The following KCTD5 variants were observed in gnomAD, a reference collection of about 807,000 sequenced individuals.
KCTD5 encodes the protein BTB/POZ domain-containing protein KCTD5.
Under a neutral mutation model 27.9 loss-of-function variants are expected in KCTD5, and 12 were observed. The ratio of observed to expected loss-of-function variants is 0.43; its 90% confidence interval spans 0.28 to 0.70. KCTD5 has a LOEUF of 0.70. Among genes scored for constraint, KCTD5 ranks in the 30% least tolerant of loss-of-function variants. The probability of loss-of-function intolerance (pLI) is 0.19; values close to 1 mark genes in which losing one functional copy is unlikely to be tolerated. For missense variants in KCTD5, 226 were observed against 274.8 expected, an observed-to-expected ratio of 0.82 and a Z score of 1.26; for synonymous variants, 147 against 121.4, an observed-to-expected ratio of 1.21 and a Z score of -1.39.
rs913327498 is a variant in KCTD5 at position 2,708,824 on chromosome 16, C to T, written c.*1497C>T. 2.0e-5 allele frequency: 3 copies of T among 152,140 alleles called. No homozygotes were observed. Among genetic ancestry groups the T allele is most frequent in the East Asian group, 1.9e-4 (1 of 5,190 alleles). 9.4% of individuals were successfully genotyped at this position (152,140 alleles called of 1,614,324 possible). Reference sequence around the variant, plus strand: ...GCATCCTCTCTGGGGAGCTGCTGGCCGCTTAGCGTTGTTTGATTTTTGACC... The same window carrying T: ...GCATCCTCTCTGGGGAGCTGCTGGCTGCTTAGCGTTGTTTGATTTTTGACC... On this transcript the variant is annotated 3_prime_UTR_variant, in exon 6 of 6. Coordinates refer to ENST00000301738, the MANE Select transcript of KCTD5 (RefSeq NM_018992.4).
chr16:2,700,319 A>G (rs995410332), intron 4 of KCTD5, among the ~76,000 whole-genome samples: 2 of 152,192 alleles, frequency 1.3e-5, no homozygotes, highest in Non-Finnish European at 2.9e-5. Context: ...CGCCTTTCCC[A>G]GGCTGCCTCC....
At chr16:2,682,939 G>A (rs929865469) in intron 1 of KCTD5, 139 bp downstream of exon 1, 1 of 1,099,302 alleles carries the variant, frequency 9.1e-7, no homozygotes, top group Non-Finnish European at 1.2e-6. Flanking sequence ...CTCCCTTGTC[G>A]CCAGCTCCTC....
chr16:2,705,351 G>C (rs1213422038), intron 5 of KCTD5, among the ~76,000 whole-genome samples: 3 of 152,226 alleles, frequency 2.0e-5, no homozygotes, highest in Non-Finnish European at 4.4e-5. Context: ...GGCTGTTGCT[G>C]TGAGGCAGAT....
chr16:2,690,943 A>G (rs1318944899), intron 1 of KCTD5, among the ~76,000 whole-genome samples: 1 of 152,190 alleles, frequency 6.6e-6, no homozygotes, highest in Non-Finnish European at 1.5e-5. Flanking sequence ...AGGCTGATCC[A>G]CATCCCCAAC....
At chr16:2,707,190 C>G in intron 5 of KCTD5, 108 bp from the exon 6 acceptor site, 2 of 1,037,388 alleles carry the variant, frequency 1.9e-6, no homozygotes, top group South Asian at 3.1e-5. Context: ...GTTCCCGGGG[C>G]TCCCCGAGCT....
rs2067616291 is a variant in KCTD5 at position 2,702,427 on chromosome 16, G to A, written c.624G>A (p.Glu208=). 6.2e-7 allele frequency: 1 copy of A among 1,613,478 alleles called. No individual in the cohort carries two copies. Among genetic ancestry groups the A allele is most frequent in the Non-Finnish European group, 8.5e-7 (1 of 1,179,982 alleles). ...QAEFLCVVSK[E]LHNTPYGTAS... is the part of the protein sequence containing the mutation. ...AGTTCCTCTGTGTGGTGTCCAAGGA[G>A]CTGCACAACACCCCGTACGGTACGG... The change falls in exon 5 of 6, where the codon GAG becomes GAA. Residue 208 remains glutamate, a synonymous_variant. Transcript: ENST00000301738.
At chr16:2,696,988 G>A (rs1258020903) in intron 2 of KCTD5, among the ~76,000 whole-genome samples, 2 of 152,238 alleles carry the variant, frequency 1.3e-5, no homozygotes, top group Non-Finnish European at 2.9e-5. Context: ...TCAGAAACGG[G>A]CGCTAGACAC....
At chr16:2,693,285 G>C (rs887052272) in intron 1 of KCTD5, among the ~76,000 whole-genome samples, 2 of 152,242 alleles carry the variant, frequency 1.3e-5, no homozygotes, top group African/African-American at 4.8e-5. Context: ...CCTCCCTGCA[G>C]CGGCAGGTAT....
At chr16:2,690,255 G>C (rs1288062603) in intron 1 of KCTD5, among the ~76,000 whole-genome samples, 1 of 152,256 alleles carries the variant, frequency 6.6e-6, no homozygotes, top group Non-Finnish European at 1.5e-5. Context: ...TGCCAGGGCT[G>C]TGTGTGCCCT....
intron 1 of KCTD5, among the ~76,000 whole-genome samples, chr16:2,687,090 G>A (rs1185808038): frequency 6.6e-6 from 1 of 152,166 alleles, no homozygotes; most frequent in Non-Finnish European, 1.5e-5. Context: ...GGGGCTCCCC[G>A]CTCCTTCCCC....
In KCTD5 at chr16:2,697,885, A is replaced by G. The variant is rs538002395; in HGVS notation, c.362-21A>G. The G allele has an allele frequency of 2.8e-5, 43 of 1,544,184 alleles. No individual in the cohort carries two copies. The South Asian group carries it at 4.0e-4, about 14-fold the overall frequency. On this transcript the variant is annotated intron_variant, in intron 2 of 5. Transcript: ENST00000301738. ...GGTTTAGTTTGGTCTGGTAAAGACA[A>G]TTTATTTTTCCTTATTCCAGGAGTG...
At chr16:2,698,411 G>A (rs1567195173) in intron 3 of KCTD5, among the ~76,000 whole-genome samples, 1 of 152,344 alleles carries the variant, frequency 6.6e-6, no homozygotes, top group East Asian at 1.9e-4. Flanking sequence ...CTGCGCAGGC[G>A]CCAGAAGGAC....
In KCTD5 at chr16:2,682,597, G is replaced by A. The variant is rs751433290; in HGVS notation, c.49G>A (p.Gly17Arg). Residue 17 changes from glycine to arginine, a missense_variant, in exon 1 of 6, where the codon GGG becomes AGG. Physicochemically the swap from Gly to Arg is moderately radical, Grantham distance 125. Transcript: ENST00000301738. Reference protein sequence around the residue: ...ELLSPARGGIGAGLGGGLCRR... With the variant: ...ELLSPARGGIRAGLGGGLCRR... ...CCTGTCGCCGGCCCGGGGCGGCATC[G>A]GGGCGGGGCTGGGGGGCGGCCTGTG... 7.1e-5 allele frequency: 101 copies of A among 1,430,226 alleles called. No individual in the cohort carries two copies. The highest frequency in any genetic ancestry group is 8.6e-5 in the Non-Finnish European group (94 of 1,096,878). The allele number at this position is 1,430,226 out of a possible 1,614,324, so 88.6% of individuals were successfully genotyped here. A position where few individuals can be genotyped will look rare whatever the true frequency, so the allele number is the denominator to read the frequency against.
chr16:2,692,042 A>G (rs1489139645), intron 1 of KCTD5, among the ~76,000 whole-genome samples: 1 of 152,118 alleles, frequency 6.6e-6, no homozygotes, highest in Non-Finnish European at 1.5e-5. Flanking sequence ...CCAGGGACTG[A>G]GACGAGCTGG....
At chr16:2,699,266 T>A (rs1468294903) in intron 3 of KCTD5, 2 of 455,182 alleles carry the variant, frequency 4.4e-6, no homozygotes, top group Non-Finnish European at 4.4e-6. Flanking sequence ...TCACCATCAC[T>A]CCCAGGACCA....
At chr16:2,692,726 C>A (rs2067571923) in intron 1 of KCTD5, among the ~76,000 whole-genome samples, 1 of 152,254 alleles carries the variant, frequency 6.6e-6, no homozygotes, top group South Asian at 2.1e-4. Context: ...GGGGACCTAC[C>A]CCCTTCTTCC....
At chr16:2,707,170 G>A (rs2067640559) in intron 5 of KCTD5, 128 bp from the exon 6 acceptor site, 1 of 791,800 alleles carries the variant, frequency 1.3e-6, no homozygotes, top group South Asian at 1.7e-5. Context: ...ACCCTGGCCA[G>A]TGCCGCTGGG....
At chr16:2,704,297 G>A (rs1288908686) in intron 5 of KCTD5, among the ~76,000 whole-genome samples, 1 of 152,244 alleles carries the variant, frequency 6.6e-6, no homozygotes, top group African/African-American at 2.4e-5. Flanking sequence ...GGGCACCCCT[G>A]GCTGGGCTGC....
chr16:2,685,822 A>C (rs2067538054), intron 1 of KCTD5: 1 of 149,990 alleles, frequency 6.7e-6, no homozygotes, highest in Non-Finnish European at 1.5e-5. Flanking sequence ...TTAAGCATGG[A>C]TCTGGTGGAA....
Sources: gnomAD v4.1 joint callset for allele counts (sites outside exome capture counted in the v4.1 genomes callset) on GRCh38, gnomAD v4.1.1 for gene constraint, MANE v1.5 for transcripts, NCBI Gene and HGNC (gene_info 2026-07-23, HGNC 2026-07-21) for gene names.